Variants in ARAP3 observed in about 807,000 individuals in gnomAD.
ARAP3 encodes ArfGAP with RhoGAP domain, ankyrin repeat and PH domain 3, also known as arf-GAP with Rho-GAP domain, ANK repeat and PH domain-containing protein 3.
ARAP3 carries 82 observed loss-of-function variants against 169.2 expected under a neutral mutation model. The ratio of observed to expected loss-of-function variants is 0.48; its 90% CI spans 0.41 to 0.58. The LOEUF is 0.58. Among genes scored for constraint, ARAP3 ranks in the 20% least tolerant of loss-of-function variants. The pLI is 0.00. For missense variants in ARAP3, 1,764 were observed against 2,018.0 expected (o/e 0.87, Z 2.41); for synonymous variants, 791 against 800.3 (o/e 0.99, Z 0.20).
intron 16 of ARAP3, among the ~76,000 whole-genome samples, chr5:141,666,908 C>T (rs547424611): frequency 1.0e-3 from 158 of 152,220 alleles, no homozygotes; most frequent in Middle Eastern, 6.8e-3. Flanking sequence ...CCCTGTGTGG[C>T]AGCCTCATGC....
Position 141,653,787 on chromosome 5 carries a change from C to T in ARAP3, c.*163G>A. 2.0e-6 allele frequency: 2 copies of T among 1,000,444 alleles called. No homozygotes were observed. Among genetic ancestry groups the T allele is most frequent in the Non-Finnish European group, 2.8e-6 (2 of 712,792 alleles). 62.0% of individuals were successfully genotyped at this position (1,000,444 alleles called of 1,614,324 possible). ...GGCCCAGAGAGGGGCCATGACCTGT[C>T]CTGGGACACGCAGCCACTGAAGCCT... On this transcript the variant is annotated 3_prime_UTR_variant, in exon 33 of 33. Transcript: ENST00000239440.
intron 32 of ARAP3, 109 bp downstream of exon 32, chr5:141,655,253 C>CACACAT: frequency 8.4e-7 from 1 of 1,193,378 alleles, no homozygotes. Flanking sequence ...CACACACACA[C>CACACAT]ACACACCCCC....
intron 20 of ARAP3, 57 bp from the exon 21 acceptor site, chr5:141,661,846 G>A: frequency 6.3e-7 from 1 of 1,580,600 alleles, no homozygotes. Context: ...GTGGCAGCTG[G>A]TACAGAGGGA....
rs1562422029 is a variant in ARAP3 at position 141,673,125 on chromosome 5, G to A, written c.981C>T (p.Phe327=). 6.2e-7 allele frequency: 1 copy of A among 1,614,096 alleles called. No individual in the cohort carries two copies. Among genetic ancestry groups the A allele is most frequent in the Non-Finnish European group, 8.5e-7 (1 of 1,180,034 alleles). ...LMYFGSDKDP[F]PKGVIPLTAI... ...CAGTCAAAGGTATCACACCCTTAGGGAAGGGGTCCTGGAGAGAGAGAGCTC... is the reference window on the plus strand; with the variant it reads ...CAGTCAAAGGTATCACACCCTTAGGAAAGGGGTCCTGGAGAGAGAGAGCTC... The change falls in exon 7 of 33, where the codon TTC becomes TTT. Residue 327 remains phenylalanine (F), a synonymous_variant. Transcript: ENST00000239440.
chr5:141,655,799 G>A lies in ARAP3; in HGVS notation c.3973-41C>T, dbSNP rs186195789. 5.3e-3 allele frequency: 8,477 copies of A among 1,614,146 alleles called. 38 individuals carry two copies. Among genetic ancestry groups the A allele is most frequent in the Non-Finnish European group, 6.3e-3 (7,412 of 1,180,014 alleles). On this transcript the variant is annotated intron_variant, in intron 30 of 32. Transcript: ENST00000239440. ...GGGGTTGGCATCAGTGGGCATGAAAGGCACTGAGGAGGACAGCTGGGCCCC... is the reference window on the plus strand; with the variant it reads ...GGGGTTGGCATCAGTGGGCATGAAAAGCACTGAGGAGGACAGCTGGGCCCC...
At chr5:141,666,165 T>C (rs970738368) in intron 17 of ARAP3, among the ~76,000 whole-genome samples, 2 of 151,996 alleles carry the variant, frequency 1.3e-5, no homozygotes, top group African/African-American at 4.8e-5. Flanking sequence ...ACTACAACCC[T>C]CTGAGGAAGG....
chr5:141,679,626 T>C lies in ARAP3; in HGVS notation c.617A>G (p.Tyr206Cys), dbSNP rs767139655. 45 of 1,613,950 alleles carry C rather than the reference T, an allele frequency of 2.8e-5. No individual in the cohort carries two copies. Among genetic ancestry groups the C allele is most frequent in the Middle Eastern group, 1.6e-4 (1 of 6,084 alleles). ...TGGAGTCCCCACAGGTTGGACACCA[T>C]AGTACAGGCAACCAGGATCCATGAT... ...VHIMDPGCLY[Y>C]GVQPVGTPGA... Residue 206 changes from tyrosine to cysteine, a missense_variant, in exon 4 of 33, where the codon TAT (tyrosine) becomes TGT (cysteine). Physicochemically the swap from Tyr to Cys is radical, Grantham distance 194. Coordinates refer to ENST00000239440, the MANE Select transcript of ARAP3 (RefSeq NM_022481.6).
Position 141,654,210 on chromosome 5 carries a change from C to T in ARAP3, c.4375G>A (p.Glu1459Lys). Residue 1459 changes from glutamate to lysine, a missense_variant, in exon 33 of 33, where the codon GAG (glutamate) becomes AAG (lysine). Around this residue, in one of 3 missense-constraint regions of ARAP3, gnomAD observed 1,112 missense variants for 1,285.7 expected, o/e 0.86. Coordinates refer to ENST00000239440, the MANE Select transcript of ARAP3 (RefSeq NM_022481.6). ...FLSKSSTLGQEERPPEPPPGP... is the reference protein window; with the variant it reads ...FLSKSSTLGQKERPPEPPPGP... ...GGAGGGGGCTCAGGTGGCCTCTCCT[C>T]CTGGCCAAGGGTGCTTGACTTGGAG... The T allele has an allele frequency of 1.2e-6, 2 of 1,614,166 alleles. No individual in the cohort carries two copies. The highest frequency in any genetic ancestry group is 1.7e-6 in the Non-Finnish European group (2 of 1,180,014).
Position 141,679,620 on chromosome 5 carries a change from A to G in ARAP3, c.623T>C (p.Val208Ala). The change falls in exon 4 of 33, where the codon GTC becomes GCC. Residue 208 changes from valine (V) to alanine (A), a missense_variant. Val to Ala is a moderately conservative substitution (Grantham distance 64, BLOSUM62 0). This residue lies in a region of ARAP3 where 630 missense variants were observed against 678.7 expected (regional missense o/e 0.93). Coordinates refer to ENST00000239440, the MANE Select transcript of ARAP3 (RefSeq NM_022481.6). ...GGCTCCTGGAGTCCCCACAGGTTGG[A>G]CACCATAGTACAGGCAACCAGGATC... ...IMDPGCLYYG[V>A]QPVGTPGAPD... 6.2e-7 allele frequency: 1 copy of G among 1,614,036 alleles called. No homozygotes were observed. Among genetic ancestry groups the G allele is most frequent in the South Asian group, 1.1e-5 (1 of 91,070 alleles).
At chr5:141,666,394 A>T (rs745856504) in intron 17 of ARAP3, 30 bp downstream of exon 17, 3 of 1,492,702 alleles carry the variant, frequency 2.0e-6, no homozygotes, top group African/African-American at 2.8e-5. Flanking sequence ...GCCACCCTTC[A>T]TCCCTGTCCC....
chr5:141,660,025 G>A, intron 21 of ARAP3, 99 bp from the exon 22 acceptor site: 1 of 1,421,852 alleles, frequency 7.0e-7, no homozygotes, highest in Non-Finnish European at 9.4e-7. Context: ...TTGGAATACA[G>A]CAGTAAGATA....
In ARAP3 at chr5:141,655,717, G is replaced by A; in HGVS notation, c.4014C>T (p.Ser1338=). ...CAAACTTCTGACGGGCAAGGTCAGA[G>A]GAGGAATGGCGTCGTAAGACCACTG... ...QQPVVLRRHS[S]SDLARQKFGT... The change falls in exon 31 of 33, where the codon TCC becomes TCT. Residue 1338 remains serine, a synonymous_variant. Coordinates refer to ENST00000239440, the MANE Select transcript of ARAP3 (RefSeq NM_022481.6). 6.2e-7 allele frequency: 1 copy of A among 1,614,240 alleles called. No individual in the cohort carries two copies. The highest frequency in any genetic ancestry group is 1.1e-5 in the South Asian group (1 of 91,086).
intron 23 of ARAP3, among the ~76,000 whole-genome samples, chr5:141,659,039 A>G (rs1163179529): frequency 6.6e-6 from 1 of 152,244 alleles, no homozygotes; most frequent in Non-Finnish European, 1.5e-5. Context: ...GTAAGTCCTC[A>G]GCTATGTTTG....
chr5:141,673,788 T>C lies in ARAP3; in HGVS notation c.719A>G (p.Glu240Gly). ...GGCATAGCCAGCATCCTCCCGTGCC[T>C]CCAGATCCTGTCTGCTGAGCCTTGT... The part of the protein sequence containing the change: ...AEHRLSRQDL[E>G]AREDAGYASL... Residue 240 changes from glutamate to glycine, a missense_variant, in exon 5 of 33, where the codon GAG becomes GGG. Glu to Gly is a moderately conservative substitution (Grantham distance 98, BLOSUM62 -2). Coordinates refer to ENST00000239440, the MANE Select transcript of ARAP3 (RefSeq NM_022481.6). 1 of 1,614,026 alleles carries C rather than the reference T, an allele frequency of 6.2e-7. No individual in the cohort carries two copies. The highest frequency in any genetic ancestry group is 8.5e-7 in the Non-Finnish European group (1 of 1,180,022).
In ARAP3 at chr5:141,653,690, C is replaced by T; in HGVS notation, c.*260G>A. ...CAGGGATAATATGTGGGGCTTATGGCTCTAAGAAACACAGTTTGACATTCA... is the reference window on the plus strand; with the variant it reads ...CAGGGATAATATGTGGGGCTTATGGTTCTAAGAAACACAGTTTGACATTCA... On this transcript the variant is annotated 3_prime_UTR_variant, in exon 33 of 33. Coordinates refer to ENST00000239440, the MANE Select transcript of ARAP3 (RefSeq NM_022481.6). 5.3e-6 allele frequency: 2 copies of T among 374,418 alleles called. No homozygotes were observed. Among genetic ancestry groups the T allele is most frequent in the Non-Finnish European group, 4.7e-6 (1 of 211,290 alleles). 23.2% of individuals were successfully genotyped at this position (374,418 alleles called of 1,614,324 possible). A position where few individuals can be genotyped will look rare whatever the true frequency, so the allele number is the denominator to read the frequency against.
At chr5:141,678,041 G>A (rs577001338) in intron 4 of ARAP3, among the ~76,000 whole-genome samples, 186 of 151,686 alleles carry the variant, frequency 1.2e-3, no homozygotes, top group Non-Finnish European at 1.9e-3. Context: ...TCCGCCTCCC[G>A]GGTTCACGCC....
intron 21 of ARAP3, among the ~76,000 whole-genome samples, chr5:141,661,329 T>C (rs1241637771): frequency 6.6e-6 from 1 of 152,216 alleles, no homozygotes; most frequent in African/African-American, 2.4e-5. Flanking sequence ...TCCCAAAGTG[T>C]TGGGATTACA....
At chr5:141,656,382 G>A in intron 27 of ARAP3, 106 bp from the exon 28 acceptor site, 2 of 1,596,628 alleles carry the variant, frequency 1.3e-6, no homozygotes, top group Non-Finnish European at 8.6e-7. Context: ...GGTCACAGAA[G>A]TCGGGGGCAG....
chr5:141,656,785 T>C lies in ARAP3; in HGVS notation c.3588A>G (p.Pro1196=), dbSNP rs768720540. Residue 1196 remains proline, a synonymous_variant, in exon 26 of 33, where the codon CCA becomes CCG. Coordinates refer to ENST00000239440, the MANE Select transcript of ARAP3 (RefSeq NM_022481.6). ...LEQALQWCQL[P]EPCSASLLLK... Reference sequence around the variant, plus strand: ...AGAGCAGGGAAGCTGAGCAGGGCTCTGGGAGCTGGCACCATTGTAAAGCCT... The same window carrying C: ...AGAGCAGGGAAGCTGAGCAGGGCTCCGGGAGCTGGCACCATTGTAAAGCCT... 2 of 1,612,552 alleles carry C rather than the reference T, an allele frequency of 1.2e-6. No individual in the cohort carries two copies. The highest frequency in any genetic ancestry group is 1.7e-6 in the Non-Finnish European group (2 of 1,179,336).
Sources: gnomAD v4.1 joint callset for allele counts (sites outside exome capture counted in the v4.1 genomes callset) on GRCh38, gnomAD v4.1.1 for gene constraint, gnomAD v4.1.1 regional missense constraint, MANE v1.5 for transcripts, NCBI Gene and HGNC (gene_info 2026-07-23, HGNC 2026-07-21) for gene names.